The following PLAU variants were observed in gnomAD, a reference collection of about 807,000 sequenced individuals.
The protein encoded by PLAU is plasminogen activator, urokinase, also known as urokinase-type plasminogen activator.
In PLAU, 32 loss-of-function variants were observed where a neutral mutation model predicts 48.9. The ratio of observed to expected loss-of-function variants is 0.65; its 90% CI spans 0.49 to 0.88. The LOEUF is 0.88. PLAU is among the 40% of genes least tolerant of loss of function. The probability of loss-of-function intolerance (pLI) is 0.00; values close to 1 mark genes in which losing one functional copy is unlikely to be tolerated. For synonymous variants in PLAU, 199 were observed against 205.7 expected (o/e 0.97, Z 0.28); for missense variants, 455 against 545.2 (o/e 0.83, Z 1.65).
Position 73,913,685 on chromosome 10 carries a change from G to A in PLAU, c.607G>A (p.Gly203Ser). The change falls in exon 7 of 11, where the codon GGC (glycine) becomes AGC (serine). Residue 203 changes from glycine to serine, a missense_variant. By Grantham distance (56) the Gly-to-Ser change is moderately conservative. Coordinates refer to ENST00000372764, the MANE Select transcript of PLAU (RefSeq NM_002658.6). ...GGCCATCTACAGGAGGCACCGGGGG[G>A]GCTCTGTCACCTACGTGTGTGGAGG... is the stretch of plus-strand genomic sequence containing the variant. ...FAAIYRRHRG[G>S]SVTYVCGGSL... 1.2e-6 allele frequency: 2 copies of A among 1,613,608 alleles called. No individual in the cohort carries two copies. Among genetic ancestry groups the A allele is most frequent in the South Asian group, 1.1e-5 (1 of 91,036 alleles).
chr10:73,916,628 G>T lies in PLAU; in HGVS notation c.*63G>T. 2.3e-6 allele frequency: 3 copies of T among 1,307,294 alleles called. No homozygotes were observed. Among genetic ancestry groups the T allele is most frequent in the Admixed American group, 4.1e-5 (2 of 49,278 alleles). The allele number at this position is 1,307,294 out of a possible 1,614,324, so 81.0% of individuals were successfully genotyped here. A position where few individuals can be genotyped will look rare whatever the true frequency, so the allele number is the denominator to read the frequency against. On this transcript the variant is annotated 3_prime_UTR_variant, in exon 11 of 11. Transcript: ENST00000372764. Reference sequence around the variant, plus strand: ...TGCTGGTTGTCATTTTTGCAGTAGAGTCATCTCCATCAGCTGTAAGAAGAG... The same window carrying T: ...TGCTGGTTGTCATTTTTGCAGTAGATTCATCTCCATCAGCTGTAAGAAGAG...
chr10:73,912,712 A>G (rs2096127030), intron 4 of PLAU, among the ~76,000 whole-genome samples: 1 of 152,040 alleles, frequency 6.6e-6, no homozygotes, highest in Non-Finnish European at 1.5e-5. Flanking sequence ...TCAGCCTGGC[A>G]TGGTAGTGGA....
chr10:73,910,397 A>T (rs1279830241), upstream of PLAU: 1 of 152,258 alleles, frequency 6.6e-6, no homozygotes, highest in East Asian at 1.9e-4. Flanking sequence ...TTGTTCCCAC[A>T]ATCCTGTAAC....
intron 10 of PLAU, 64 bp from the exon 11 acceptor site, chr10:73,916,325 G>A: frequency 7.1e-7 from 1 of 1,414,350 alleles, no homozygotes. Context: ...ATGGTTGGGT[G>A]ATGGGATCAG....
chr10:73,915,005 G>A (rs911940011), intron 9 of PLAU, 89 bp downstream of exon 9: 69 of 1,425,178 alleles, frequency 4.8e-5, no homozygotes, highest in Non-Finnish European at 6.0e-5. Context: ...AGACTGCAGA[G>A]TTAGAGGTGG....
upstream of PLAU, chr10:73,910,678 G>A (rs1362339563): frequency 6.6e-6 from 1 of 152,232 alleles, no homozygotes; most frequent in East Asian, 1.9e-4. Flanking sequence ...AGTATGTCTC[G>A]TACATTTGTC....
intron 4 of PLAU, 78 bp downstream of exon 4, chr10:73,912,400 G>C (rs2096126335): frequency 9.1e-7 from 1 of 1,096,012 alleles, no homozygotes; most frequent in African/African-American, 1.5e-5. Context: ...GCAGGCAGGA[G>C]TTAGGAGCTG....
rs3805118 is a variant in PLAU, at chr10:73,916,462, G to A, written c.1193G>A (p.Arg398His). Reference sequence around the variant, plus strand: ...TTGACTGGAATTGTGAGCTGGGGCCGTGGATGTGCCCTGAAGGACAAGCCA... The same window carrying A: ...TTGACTGGAATTGTGAGCTGGGGCCATGGATGTGCCCTGAAGGACAAGCCA... Reference protein sequence around the residue: ...MTLTGIVSWGRGCALKDKPGV... With the variant: ...MTLTGIVSWGHGCALKDKPGV... Residue 398 changes from arginine (R) to histidine (H), a missense_variant, in exon 11 of 11, where the codon CGT (arginine) becomes CAT (histidine). Physicochemically the swap from Arg to His is conservative, Grantham distance 29. Transcript: ENST00000372764. 10 of 1,613,892 alleles carry A rather than the reference G, an allele frequency of 6.2e-6. No homozygotes were observed. The highest frequency in any genetic ancestry group is 2.2e-5 in the East Asian group (1 of 44,866).
At position 73,913,863 on chromosome 10, in the gene PLAU, C is replaced by T. The variant is rs2096130364; in HGVS notation, c.680+105C>T. 2.2e-6 allele frequency: 3 copies of T among 1,373,214 alleles called. No homozygotes were observed. In the African/African-American group the frequency reaches 4.3e-5, roughly 20 times the overall value. The allele number at this position is 1,373,214 out of a possible 1,614,324, so 85.1% of individuals were successfully genotyped here. ...CGCCTCATTTCTCCCTCATCTGCCC[C>T]TGTCCATGCAGCCCATGGCCTTGGG... is the stretch of plus-strand genomic sequence containing the variant. On this transcript the variant is annotated intron_variant, in intron 7 of 10. Coordinates refer to ENST00000372764, the MANE Select transcript of PLAU (RefSeq NM_002658.6).
At position 73,912,311 on chromosome 10, in the gene PLAU, A is replaced by T; in HGVS notation, c.182A>T (p.His61Leu). The T allele has an allele frequency of 6.3e-7, 1 of 1,586,556 alleles. No homozygotes were observed. The highest frequency in any genetic ancestry group is 8.6e-7 in the Non-Finnish European group (1 of 1,165,202). The change falls in exon 4 of 11, where the codon CAC becomes CTC. Residue 61 changes from histidine to leucine, a missense_variant. By Grantham distance (99) the His-to-Leu change is moderately conservative. Transcript: ENST00000372764. ...TGCCCAAAGAAATTCGGAGGGCAGC[A>T]CTGTGAAATAGGTATGGGGATCTCC... is the stretch of plus-strand genomic sequence containing the variant. ...CNCPKKFGGQHCEIDKSKTCY... is the reference protein window; with the variant it reads ...CNCPKKFGGQLCEIDKSKTCY...
Position 73,911,183 on chromosome 10 carries a change from G to T in PLAU, c.-67G>T. 3.5e-6 allele frequency: 1 copy of T among 284,820 alleles called. No homozygotes were observed. Among genetic ancestry groups the T allele is most frequent in the East Asian group, 1.0e-4 (1 of 9,866 alleles). The allele number at this position is 284,820 out of a possible 1,614,324, so 17.6% of individuals were successfully genotyped here. A position where few individuals can be genotyped will look rare whatever the true frequency, so the allele number is the denominator to read the frequency against. On this transcript the variant is annotated 5_prime_UTR_variant, in exon 1 of 11. Transcript: ENST00000372764. ...CCCGGGCCAGGGTCCACCTGTCCCC[G>T]CAGCGCCGGCTCGCGCCCTCCTGCC... is the stretch of plus-strand genomic sequence containing the variant.
rs201299522 is a variant in PLAU at position 73,912,966 on chromosome 10, G to T, written c.236G>T (p.Arg79Leu). Residue 79 changes from arginine to leucine, a missense_variant, in exon 5 of 11, where the codon CGA becomes CTA. By Grantham distance (102) the Arg-to-Leu change is moderately radical. Coordinates refer to ENST00000372764, the MANE Select transcript of PLAU (RefSeq NM_002658.6). ...TATGAGGGGAATGGTCACTTTTACCGAGGAAAGGCCAGCACTGACACCATG... is the reference window on the plus strand; with the variant it reads ...TATGAGGGGAATGGTCACTTTTACCTAGGAAAGGCCAGCACTGACACCATG... Reference protein sequence around the residue: ...TCYEGNGHFYRGKASTDTMGR... With the variant: ...TCYEGNGHFYLGKASTDTMGR... The T allele has an allele frequency of 6.2e-7, 1 of 1,613,942 alleles. No individual in the cohort carries two copies. Among genetic ancestry groups the T allele is most frequent in the Non-Finnish European group, 8.5e-7 (1 of 1,179,950 alleles).
chr10:73,916,446 A>G lies in PLAU; in HGVS notation c.1177A>G (p.Ile393Val), dbSNP rs1465894262. 1 of 1,613,874 alleles carries G rather than the reference A, an allele frequency of 6.2e-7. No individual in the cohort carries two copies. Among genetic ancestry groups the G allele is most frequent in the East Asian group, 2.2e-5 (1 of 44,880 alleles). The change falls in exon 11 of 11, where the codon ATT (isoleucine) becomes GTT (valine). Residue 393 changes from isoleucine to valine, a missense_variant. Transcript: ENST00000372764. ...SLQGRMTLTG[I>V]VSWGRGCALK... ...CCAAGGCCGCATGACTTTGACTGGA[A>G]TTGTGAGCTGGGGCCGTGGATGTGC... is the stretch of plus-strand genomic sequence containing the variant.
rs1028197552 is a variant in PLAU at position 73,914,053 on chromosome 10, A to T, written c.754A>T (p.Met252Leu). 54 of 1,613,910 alleles carry T rather than the reference A, an allele frequency of 3.3e-5. No individual in the cohort carries two copies. The highest frequency in any genetic ancestry group is 4.5e-5 in the Non-Finnish European group (53 of 1,179,900). ...SRLNSNTQGE[M>L]KFEVENLILH... Reference sequence around the variant, plus strand: ...GCTTAACTCCAACACGCAAGGGGAGATGAAGTTTGAGGTGGAAAACCTCAT... The same window carrying T: ...GCTTAACTCCAACACGCAAGGGGAGTTGAAGTTTGAGGTGGAAAACCTCAT... The change falls in exon 8 of 11, where the codon ATG becomes TTG. Residue 252 changes from methionine (M) to leucine (L), a missense_variant. Transcript: ENST00000372764.
intron 7 of PLAU, 84 bp from the exon 8 acceptor site, chr10:73,913,896 C>T (rs1565610332): frequency 8.3e-6 from 12 of 1,453,462 alleles, no homozygotes; most frequent in Admixed American, 1.7e-5. Flanking sequence ...GGGGACAAGT[C>T]GTGCTTTGAG....
upstream of PLAU, among the ~76,000 whole-genome samples, chr10:73,909,562 C>A (rs1425463666): frequency 2.0e-5 from 3 of 152,190 alleles, no homozygotes; most frequent in African/African-American, 7.2e-5. Context: ...CAGCTGGCAC[C>A]CTGAGCCCTC....
chr10:73,912,266 C>G lies in PLAU; in HGVS notation c.137C>G (p.Ser46Cys). 1 of 1,614,132 alleles carries G rather than the reference C, an allele frequency of 6.2e-7. No individual in the cohort carries two copies. Among genetic ancestry groups the G allele is most frequent in the African/African-American group, 1.3e-5 (1 of 75,040 alleles). Residue 46 changes from serine to cysteine, a missense_variant, in exon 4 of 11, where the codon TCC becomes TGC. Coordinates refer to ENST00000372764, the MANE Select transcript of PLAU (RefSeq NM_002658.6). ...GGTCVSNKYF[S>C]NIHWCNCPKK... Reference sequence around the variant, plus strand: ...ACATGTGTGTCCAACAAGTACTTCTCCAACATTCACTGGTGCAACTGCCCA... The same window carrying G: ...ACATGTGTGTCCAACAAGTACTTCTGCAACATTCACTGGTGCAACTGCCCA...
chr10:73,913,466 G>A, intron 6 of PLAU, 73 bp from the exon 7 acceptor site: 1 of 1,546,950 alleles, frequency 6.5e-7, no homozygotes, highest in East Asian at 2.3e-5. Context: ...GAGGACTGAG[G>A]AGGTGGGGGG....
rs2096123067 is a variant in PLAU, at chr10:73,911,203, C to T, written c.-47C>T. 3.1e-6 allele frequency: 1 copy of T among 323,508 alleles called. No individual in the cohort carries two copies. The allele number at this position is 323,508 out of a possible 1,614,324, so 20.0% of individuals were successfully genotyped here. The stretch of plus-strand genomic sequence containing the variant: ...TCCCCGCAGCGCCGGCTCGCGCCCT[C>T]CTGCCGCAGCCACCGGTGAGTGCCG... On this transcript the variant is annotated 5_prime_UTR_variant, in exon 1 of 11. Coordinates refer to ENST00000372764, the MANE Select transcript of PLAU (RefSeq NM_002658.6).
Sources: allele counts gnomAD v4.1 joint callset (sites outside exome capture counted in the v4.1 genomes callset), GRCh38; gene constraint gnomAD v4.1.1; transcripts MANE v1.5; gene names NCBI Gene and HGNC (gene_info 2026-07-23, HGNC 2026-07-21).